The following P3H2 variants were observed in gnomAD, a reference collection of about 807,000 sequenced individuals.
The protein encoded by P3H2 is leprecan-like 1.
P3H2 carries 80 observed loss-of-function variants against 87.0 expected under a neutral mutation model. The ratio of observed to expected loss-of-function variants is 0.92; its 90% CI spans 0.77 to 1.11. The LOEUF (loss-of-function observed/expected upper bound fraction) is 1.11. Ranked by LOEUF, P3H2 falls within the 50% of genes least tolerant of loss-of-function variation. The pLI, the probability that P3H2 is intolerant of heterozygous loss-of-function variation, is 0.00. For missense variants in P3H2, 1,001 were observed against 923.9 expected (o/e 1.08, Z -1.08); for synonymous variants, 367 against 359.3 (o/e 1.02, Z -0.24).
Position 189,995,394 on chromosome 3 carries a change from C to A in P3H2, c.529G>T (p.Ala177Ser), listed in dbSNP as rs527400659. 9 of 1,613,916 alleles carry A rather than the reference C, an allele frequency of 5.6e-6. No individual in the cohort carries two copies. In the South Asian group the frequency reaches 9.9e-5, roughly 18 times the overall value. The change falls in exon 2 of 15, where the codon GCT (alanine) becomes TCT (serine). Residue 177 changes from alanine to serine, a missense_variant. Physicochemically the swap from Ala to Ser is moderately conservative, Grantham distance 99. Coordinates refer to ENST00000319332, the MANE Select transcript of P3H2 (RefSeq NM_018192.4). ...AVEAAHTFFV[A>S]NPEHMEMQQN... is the part of the protein sequence containing the mutation. Reference sequence around the variant, plus strand: ...TGCATTTCCATGTGCTCAGGGTTAGCCACGAAAAATGTGTGAGCTGCTTCC... The same window carrying A: ...TGCATTTCCATGTGCTCAGGGTTAGACACGAAAAATGTGTGAGCTGCTTCC...
intron 1 of P3H2, among the ~76,000 whole-genome samples, chr3:190,094,928 T>C (rs768688334): frequency 5.3e-5 from 8 of 152,154 alleles, no homozygotes; most frequent in Middle Eastern, 3.2e-3. Flanking sequence ...CATGATTATG[T>C]CATTGTATCG....
At chr3:189,987,348 A>G (rs1460941124) in intron 5 of P3H2, among the ~76,000 whole-genome samples, 179 bp downstream of exon 5, 1 of 152,012 alleles carries the variant, frequency 6.6e-6, no homozygotes, top group Non-Finnish European at 1.5e-5. Context: ...GTGTGGTGGC[A>G]TGTGCCTGTA....
At chr3:189,968,534 G>C (rs1201349450) in intron 13 of P3H2, among the ~76,000 whole-genome samples, 1 of 152,124 alleles carries the variant, frequency 6.6e-6, no homozygotes, top group East Asian at 1.9e-4. Flanking sequence ...TTGCTATTGT[G>C]AACAGTGCCG....
chr3:190,107,491 T>A (rs1711893223), intron 1 of P3H2, among the ~76,000 whole-genome samples: 2 of 152,296 alleles, frequency 1.3e-5, no homozygotes, highest in South Asian at 4.2e-4. Context: ...CACAAATATT[T>A]CCTCATTTTG....
chr3:190,006,406 C>T (rs889019571), intron 1 of P3H2, among the ~76,000 whole-genome samples: 2 of 152,200 alleles, frequency 1.3e-5, no homozygotes, highest in African/African-American at 4.8e-5. Flanking sequence ...TTAGTCACCA[C>T]TATTTCAAAG....
intron 1 of P3H2, among the ~76,000 whole-genome samples, chr3:190,006,592 A>C (rs1724395305): frequency 6.6e-6 from 1 of 152,242 alleles, no homozygotes; most frequent in Non-Finnish European, 1.5e-5. Context: ...ATTGATATCA[A>C]GAACTGGGAA....
intron 1 of P3H2, among the ~76,000 whole-genome samples, chr3:190,046,766 T>A (rs1725820234): frequency 6.6e-6 from 1 of 152,164 alleles, no homozygotes; most frequent in African/African-American, 2.4e-5. Flanking sequence ...TAAAGAAATT[T>A]ATGGTAATTT....
chr3:190,117,731 C>G (rs7640114), intron 1 of P3H2, among the ~76,000 whole-genome samples: 2 of 126,014 alleles, frequency 1.6e-5, no homozygotes, highest in Non-Finnish European at 1.6e-5. Context: ...AAGGCTAAAA[C>G]TGGGGCTTTC....
chr3:190,056,024 G>A (rs1225555593), intron 1 of P3H2, among the ~76,000 whole-genome samples: 1 of 152,134 alleles, frequency 6.6e-6, no homozygotes, highest in Non-Finnish European at 1.5e-5. Context: ...GGTCATTAGG[G>A]TGGGGTCTTT....
At chr3:190,118,524 T>C (rs1712382908) in intron 1 of P3H2, among the ~76,000 whole-genome samples, 1 of 151,660 alleles carries the variant, frequency 6.6e-6, no homozygotes, top group Non-Finnish European at 1.5e-5. Flanking sequence ...ACTTCATACA[T>C]GCCTTAGCAA....
chr3:189,991,446 C>A (rs1723873681), intron 3 of P3H2, among the ~76,000 whole-genome samples: 1 of 152,110 alleles, frequency 6.6e-6, no homozygotes, highest in Admixed American at 6.5e-5. Context: ...AGTATTTAAC[C>A]ATTTTAATCC....
At chr3:190,004,657 C>G (rs1047166992) in intron 1 of P3H2, among the ~76,000 whole-genome samples, 1 of 152,180 alleles carries the variant, frequency 6.6e-6, no homozygotes, top group Non-Finnish European at 1.5e-5. Flanking sequence ...GCTGGGATTA[C>G]AGGTGTGAGC....
At chr3:189,995,473 G>A (rs760040277) in intron 1 of P3H2, 31 bp from the exon 2 acceptor site, 2 of 1,604,790 alleles carry the variant, frequency 1.2e-6, no homozygotes, top group Admixed American at 3.3e-5. Flanking sequence ...CCAAAATGAA[G>A]GCAAATATTT....
intron 13 of P3H2, chr3:189,969,403 G>T: frequency 1.3e-6 from 1 of 794,756 alleles, no homozygotes; most frequent in Non-Finnish European, 2.2e-6. Context: ...CTTCTTAGCA[G>T]TCTCTATAAG....
intron 8 of P3H2, among the ~76,000 whole-genome samples, chr3:189,982,359 C>A (rs1021981437): frequency 2.6e-5 from 4 of 152,158 alleles, no homozygotes; most frequent in Non-Finnish European, 4.4e-5. Flanking sequence ...GAATTAACCA[C>A]TGCTGTTAGT....
At chr3:190,094,375 A>G (rs1367019363) in intron 1 of P3H2, among the ~76,000 whole-genome samples, 1 of 152,204 alleles carries the variant, frequency 6.6e-6, no homozygotes, top group Admixed American at 6.5e-5. Context: ...GTTATTTTCC[A>G]TTTCTCTTAC....
chr3:190,030,255 T>A (rs1242995574), intron 1 of P3H2, among the ~76,000 whole-genome samples: 1 of 152,144 alleles, frequency 6.6e-6, no homozygotes, highest in Non-Finnish European at 1.5e-5. Context: ...CACTGAGATA[T>A]GAAAAATTAA....
intron 1 of P3H2, among the ~76,000 whole-genome samples, chr3:190,034,984 G>A (rs1725373124): frequency 6.6e-6 from 1 of 151,486 alleles, no homozygotes; most frequent in African/African-American, 2.4e-5. Flanking sequence ...GAGTCGCTGG[G>A]ATTACAGGCA....
chr3:190,109,640 A>G (rs529517714), intron 1 of P3H2, among the ~76,000 whole-genome samples: 10 of 152,288 alleles, frequency 6.6e-5, no homozygotes, highest in African/African-American at 2.2e-4. Context: ...TACTGTAGCT[A>G]TGGAGAACCA....
Sources: allele counts gnomAD v4.1 joint callset (sites outside exome capture counted in the v4.1 genomes callset), GRCh38; gene constraint gnomAD v4.1.1; transcripts MANE v1.5; gene names NCBI Gene and HGNC (gene_info 2026-07-23, HGNC 2026-07-21).